The following PARD3 variants were observed in gnomAD, a reference collection of about 807,000 sequenced individuals.
PARD3 encodes partitioning defective 3 homolog.
A neutral mutation model predicts 155.4 loss-of-function variants in PARD3; 75 were observed. The ratio of observed to expected loss-of-function variants is 0.48; its 90% CI spans 0.40 to 0.58. The LOEUF (loss-of-function observed/expected upper bound fraction) is 0.58, where lower values mean the gene tolerates loss of function less well. Ranked by LOEUF, PARD3 falls within the 20% of genes least tolerant of loss-of-function variation. The pLI, the probability that PARD3 is intolerant of heterozygous loss-of-function variation, is 0.00. For missense variants in PARD3, 1,642 were observed against 1,721.7 expected (o/e 0.95, Z 0.82); for synonymous variants, 576 against 610.5 (o/e 0.94, Z 0.83).
intron 1 of PARD3, among the ~76,000 whole-genome samples, chr10:34,803,859 C>T (rs1843068256): frequency 1.3e-5 from 2 of 152,032 alleles, no homozygotes; most frequent in African/African-American, 4.8e-5. Context: ...AGTTTGTTAG[C>T]ATTGCAAGTT....
At chr10:34,535,618 G>A (rs552149470) in intron 2 of PARD3, among the ~76,000 whole-genome samples, 3 of 152,058 alleles carry the variant, frequency 2.0e-5, no homozygotes, top group Admixed American at 2.0e-4. Flanking sequence ...GGGATTACAG[G>A]CGTGCACCAT....
chr10:34,564,149 CCA>C (rs1735100640), intron 2 of PARD3, among the ~76,000 whole-genome samples: 1 of 152,100 alleles, frequency 6.6e-6, no homozygotes, highest in African/African-American at 2.4e-5. Context: ...AATTTCAACC[CCA>C]AAGCATTTTT....
chr10:34,709,564 G>A (rs570526929), intron 1 of PARD3, among the ~76,000 whole-genome samples: 22 of 152,308 alleles, frequency 1.4e-4, no homozygotes, highest in South Asian at 1.2e-3. Flanking sequence ...GGAGGCGGGG[G>A]CCACACACAG....
At chr10:34,738,772 G>A (rs2094958761) in intron 1 of PARD3, among the ~76,000 whole-genome samples, 1 of 152,096 alleles carries the variant, frequency 6.6e-6, no homozygotes, top group Non-Finnish European at 1.5e-5. Context: ...GGGCAGAAGA[G>A]GTCAGGGGGA....
intron 22 of PARD3, among the ~76,000 whole-genome samples, chr10:34,152,203 A>T (rs1031372361): frequency 8.5e-5 from 13 of 152,112 alleles, no homozygotes; most frequent in Non-Finnish European, 1.8e-4. Flanking sequence ...GCTAGCAGAG[A>T]CTTAAAAAAA....
chr10:34,388,438 G>C (rs140525617), intron 7 of PARD3, among the ~76,000 whole-genome samples: 11 of 152,274 alleles, frequency 7.2e-5, no homozygotes, highest in African/African-American at 2.2e-4. Flanking sequence ...AAAGTAGTAA[G>C]AAGAGACACT....
At chr10:34,393,869 GCT>G (rs1843073013) in intron 7 of PARD3, among the ~76,000 whole-genome samples, 1 of 137,538 alleles carries the variant, frequency 7.3e-6, no homozygotes, top group Non-Finnish European at 1.5e-5. Context: ...ACAGAGTCTT[GCT>G]CTGTCACCTG....
chr10:34,367,118 C>T (rs1279667602), intron 12 of PARD3, among the ~76,000 whole-genome samples: 1 of 152,106 alleles, frequency 6.6e-6, no homozygotes, highest in Admixed American at 6.5e-5. Flanking sequence ...ATCAGACAAA[C>T]TCAAATTGAG....
intron 6 of PARD3, among the ~76,000 whole-genome samples, chr10:34,400,206 T>G (rs1046383577): frequency 2.0e-5 from 3 of 152,228 alleles, no homozygotes; most frequent in Admixed American, 6.5e-5. Flanking sequence ...AGAACTCTTG[T>G]GCTCAAGCAA....
intron 1 of PARD3, among the ~76,000 whole-genome samples, chr10:34,722,374 T>C (rs2094622809): frequency 6.6e-6 from 1 of 152,164 alleles, no homozygotes; most frequent in African/African-American, 2.4e-5. Context: ...TGTACAGAAA[T>C]CAAATTATAG....
chr10:34,301,818 C>CTTTCT (rs1957164051), intron 20 of PARD3, among the ~76,000 whole-genome samples: 1 of 125,870 alleles, frequency 7.9e-6, no homozygotes, highest in African/African-American at 3.0e-5. Flanking sequence ...TTTCTCCTTT[C>CTTTCT]TTTTTTTTTT....
At chr10:34,413,140 TATATAC>T (rs1438632454) in intron 5 of PARD3, among the ~76,000 whole-genome samples, 24 of 113,860 alleles carry the variant, frequency 2.1e-4, no homozygotes, top group African/African-American at 5.1e-4. Flanking sequence ...ACTTCAGATA[TATATAC>T]ACACACACAC....
chr10:34,783,467 G>T (rs1023882999), intron 1 of PARD3, among the ~76,000 whole-genome samples: 1 of 151,852 alleles, frequency 6.6e-6, no homozygotes, highest in African/African-American at 2.4e-5. Flanking sequence ...AGCTGGGCGT[G>T]GTGGCGGGCG....
At chr10:34,680,574 G>A (rs1334654285) in intron 2 of PARD3, among the ~76,000 whole-genome samples, 1 of 150,728 alleles carries the variant, frequency 6.6e-6, no homozygotes, top group Non-Finnish European at 1.5e-5. Flanking sequence ...AAAAAAATGA[G>A]GGGAGGGGAA....
chr10:34,538,974 A>T (rs1564822828), intron 2 of PARD3, among the ~76,000 whole-genome samples: 1 of 152,252 alleles, frequency 6.6e-6, no homozygotes, highest in Non-Finnish European at 1.5e-5. Flanking sequence ...AAAATTTTTC[A>T]TAAGTTTGTT....
chr10:34,531,681 T>C (rs1288756306), intron 2 of PARD3, among the ~76,000 whole-genome samples: 2 of 152,174 alleles, frequency 1.3e-5, no homozygotes, highest in African/African-American at 2.4e-5. Context: ...CTTGACATGG[T>C]GGGCAACTGC....
intron 22 of PARD3, among the ~76,000 whole-genome samples, chr10:34,213,249 G>C (rs1181683947): frequency 6.6e-6 from 1 of 152,198 alleles, no homozygotes; most frequent in East Asian, 1.9e-4. Flanking sequence ...CATGGCAAGA[G>C]AGAAAGCAAG....
intron 1 of PARD3, among the ~76,000 whole-genome samples, chr10:34,793,359 C>T (rs1588776600): frequency 6.6e-6 from 1 of 151,910 alleles, no homozygotes; most frequent in Admixed American, 6.6e-5. Context: ...AGGAAGGGGT[C>T]GTGGCGGTAA....
intron 3 of PARD3, among the ~76,000 whole-genome samples, chr10:34,477,149 A>G (rs2078767537): frequency 6.6e-6 from 1 of 152,216 alleles, no homozygotes; most frequent in Non-Finnish European, 1.5e-5. Context: ...ATTTGTGTTC[A>G]TTACAGTAAT....
Sources: gnomAD v4.1 joint callset for allele counts (sites outside exome capture counted in the v4.1 genomes callset) on GRCh38, gnomAD v4.1.1 for gene constraint, MANE v1.5 for transcripts, NCBI Gene and HGNC (gene_info 2026-07-23, HGNC 2026-07-21) for gene names.